DCC: variants seen among roughly 807,000 people sequenced by gnomAD.
DCC encodes the protein DCC netrin 1 receptor.
A neutral mutation model predicts 172.5 loss-of-function variants in DCC; 58 were observed. The observed-to-expected ratio is 0.34, with a 90% CI of 0.27 to 0.42. The LOEUF is 0.42. DCC is among the 10% of genes least tolerant of loss of function. The pLI is 1.00. For missense variants in DCC, 1,740 were observed against 1,791.0 expected (o/e 0.97, Z 0.51); for synonymous variants, 709 against 644.5 (o/e 1.10, Z -1.52).
At chr18:52,962,341 A>G (rs1366035678) in intron 5 of DCC, among the ~76,000 whole-genome samples, 5 of 150,982 alleles carry the variant, frequency 3.3e-5, no homozygotes, top group Admixed American at 2.0e-4. Context: ...GCAGCCAAAA[A>G]ACACATGAAA....
At position 53,450,610 on chromosome 18, in the gene DCC, GT is replaced by G; in HGVS notation, c.3341del (p.Val1114GlyfsTer6). The G allele has an allele frequency of 6.2e-7, 1 of 1,610,750 alleles. No individual in the cohort carries two copies. Among genetic ancestry groups the G allele is most frequent in the Non-Finnish European group, 8.5e-7 (1 of 1,178,800 alleles). On this transcript the variant is annotated frameshift_variant, in exon 23 of 29. Coordinates refer to ENST00000442544, the MANE Select transcript of DCC (RefSeq NM_005215.4). LOFTEE classifies it high-confidence loss of function. ...CGTTGGTGTCATCACAGTGCTGGTA[GT>G]GGTCATCGTGGCTGTGATTTGCACC... ...VTVGVITVLV[V>X]VIVAVICTRR...
At chr18:52,345,028 T>A (rs1395472379) in intron 1 of DCC, among the ~76,000 whole-genome samples, 1 of 152,158 alleles carries the variant, frequency 6.6e-6, no homozygotes, top group African/African-American at 2.4e-5. Flanking sequence ...CTTCCTACTT[T>A]CCATAGGAAG....
intron 1 of DCC, among the ~76,000 whole-genome samples, chr18:52,656,331 G>T (rs895574276): frequency 7.9e-5 from 12 of 151,908 alleles, no homozygotes; most frequent in African/African-American, 2.9e-4. Flanking sequence ...CTCCAGCCAT[G>T]TGACATCACA....
At chr18:53,431,044 A>G (rs1911577129) in intron 21 of DCC, among the ~76,000 whole-genome samples, 4 of 152,144 alleles carry the variant, frequency 2.6e-5, no homozygotes, top group African/African-American at 4.8e-5. Context: ...AAGGAGAGGT[A>G]TATGAAATTT....
At chr18:53,115,234 T>C (rs1321311760) in intron 7 of DCC, among the ~76,000 whole-genome samples, 1 of 151,560 alleles carries the variant, frequency 6.6e-6, no homozygotes, top group Non-Finnish European at 1.5e-5. Flanking sequence ...GTGTGGGAGA[T>C]GAACTAAAAT....
At chr18:52,907,380 C>T (rs907805680) in intron 3 of DCC, among the ~76,000 whole-genome samples, 6 of 148,948 alleles carry the variant, frequency 4.0e-5, no homozygotes, top group African/African-American at 1.5e-4. Context: ...ATCATATATG[C>T]ATGATATATG....
At chr18:52,543,712 C>G (rs1266011092) in intron 1 of DCC, among the ~76,000 whole-genome samples, 1 of 152,120 alleles carries the variant, frequency 6.6e-6, no homozygotes, top group Admixed American at 6.5e-5. Context: ...CCCCTCTGAA[C>G]AGATAAAAAC....
At chr18:52,410,241 A>C (rs1015389423) in intron 1 of DCC, among the ~76,000 whole-genome samples, 1 of 152,104 alleles carries the variant, frequency 6.6e-6, no homozygotes. Flanking sequence ...CTGGGCAACA[A>C]AATAATATCC....
At chr18:53,081,726 G>A (rs1599108398) in intron 7 of DCC, among the ~76,000 whole-genome samples, 1 of 152,038 alleles carries the variant, frequency 6.6e-6, no homozygotes. Context: ...TCTATCTCGG[G>A]TGGCCAAATT....
At chr18:53,127,136 GTT>G (rs11285251) in intron 7 of DCC, among the ~76,000 whole-genome samples, 29,788 of 129,164 alleles carry the variant, frequency 0.23, 3,804 homozygotes, top group African/African-American at 0.4. Context: ...TTTGATCGTT[GTT>G]TTTTTTTTTT....
At chr18:52,947,411 T>G (rs1381661543) in intron 5 of DCC, among the ~76,000 whole-genome samples, 1 of 152,186 alleles carries the variant, frequency 6.6e-6, no homozygotes, top group Non-Finnish European at 1.5e-5. Context: ...GCATCAGATT[T>G]AAGCAAGATA....
chr18:53,485,994 A>T (rs1460154586), intron 25 of DCC, among the ~76,000 whole-genome samples: 1 of 152,092 alleles, frequency 6.6e-6, no homozygotes. Context: ...AGCTGACTTA[A>T]ATTTTGCTTT....
chr18:52,437,439 T>G (rs1360735497), intron 1 of DCC, among the ~76,000 whole-genome samples: 5 of 152,130 alleles, frequency 3.3e-5, no homozygotes, highest in Non-Finnish European at 7.3e-5. Flanking sequence ...GAACAGCAGC[T>G]GGAAATAGGC....
At chr18:52,688,126 CTTT>C (rs35412820) in intron 1 of DCC, among the ~76,000 whole-genome samples, 8 of 144,162 alleles carry the variant, frequency 5.5e-5, no homozygotes, top group African/African-American at 5.1e-5. Context: ...CAGGGATCTT[CTTT>C]TTTTTTTTTT....
chr18:53,065,918 A>AC, intron 6 of DCC, 128 bp from the exon 7 acceptor site: 2 of 970,086 alleles, frequency 2.1e-6, no homozygotes, highest in African/African-American at 3.2e-5. Flanking sequence ...CGAGGCTGAG[A>AC]CCCCTCATGG....
At chr18:52,821,232 T>C (rs1362371138) in intron 2 of DCC, among the ~76,000 whole-genome samples, 4 of 152,268 alleles carry the variant, frequency 2.6e-5, no homozygotes, top group African/African-American at 9.6e-5. Context: ...ACTTCCCCCT[T>C]GTTACCTGAG....
intron 26 of DCC, among the ~76,000 whole-genome samples, chr18:53,494,988 G>C (rs2046002440): frequency 6.6e-6 from 1 of 152,144 alleles, no homozygotes. Flanking sequence ...CTCTTGTAAG[G>C]CAGGCCTGGT....
intron 5 of DCC, among the ~76,000 whole-genome samples, chr18:52,935,297 C>T: frequency 6.6e-6 from 1 of 151,964 alleles, no homozygotes; most frequent in East Asian, 1.9e-4. Flanking sequence ...TCGCTATCAT[C>T]CCTTTATTTA....
intron 1 of DCC, among the ~76,000 whole-genome samples, chr18:52,416,916 T>C (rs1308656384): frequency 2.6e-5 from 4 of 152,044 alleles, no homozygotes; most frequent in Admixed American, 6.6e-5. Flanking sequence ...CCTGTCATTA[T>C]GATGTTAGCT....
Sources: gnomAD v4.1 joint callset for allele counts (sites outside exome capture counted in the v4.1 genomes callset) on GRCh38, gnomAD v4.1.1 for gene constraint, MANE v1.5 for transcripts, NCBI Gene and HGNC (gene_info 2026-07-23, HGNC 2026-07-21) for gene names.